DNAJC1: variants seen among roughly 807,000 people sequenced by gnomAD.
DNAJC1 encodes DnaJ heat shock protein family (Hsp40) member C1.
A neutral mutation model predicts 76.6 loss-of-function variants in DNAJC1; 58 were observed. The observed-to-expected ratio is 0.76, with a 90% confidence interval of 0.61 to 0.94. The LOEUF (loss-of-function observed/expected upper bound fraction) is 0.94. DNAJC1 is among the 40% of genes least tolerant of loss of function. DNAJC1 has a pLI of 0.00. For missense variants in DNAJC1, 689 were observed against 677.3 expected (o/e 1.02, Z -0.19); for synonymous variants, 258 against 267.9 (o/e 0.96, Z 0.36).
chr10:21,838,108 C>T (rs1267928689), intron 8 of DNAJC1, among the ~76,000 whole-genome samples: 1 of 152,034 alleles, frequency 6.6e-6, no homozygotes, highest in East Asian at 1.9e-4. Context: ...CCGGCCGCCA[C>T]CCCGTCTGGG....
intron 1 of DNAJC1, among the ~76,000 whole-genome samples, chr10:21,956,982 C>G (rs761787175): frequency 6.6e-6 from 1 of 151,354 alleles, no homozygotes; most frequent in East Asian, 1.9e-4. Context: ...ACCTCCGCCT[C>G]CCGGGTTCAA....
intron 8 of DNAJC1, among the ~76,000 whole-genome samples, chr10:21,815,100 C>A (rs1011942365): frequency 1.3e-5 from 2 of 152,118 alleles, no homozygotes; most frequent in Admixed American, 1.3e-4. Flanking sequence ...AAACAGATGG[C>A]GCCAGACATG....
intron 9 of DNAJC1, among the ~76,000 whole-genome samples, chr10:21,769,965 C>T (rs751808607): frequency 2.6e-5 from 4 of 152,166 alleles, no homozygotes; most frequent in Middle Eastern, 3.2e-3. Context: ...GGATTACAGG[C>T]GTGAGCCACT....
chr10:21,919,004 A>C, intron 5 of DNAJC1, 132 bp from the exon 6 acceptor site: 1 of 632,370 alleles, frequency 1.6e-6, no homozygotes, highest in Non-Finnish European at 2.8e-6. Flanking sequence ...AAATGAAGAA[A>C]GTATGCACTG....
chr10:21,933,728 T>C (rs1394410032), intron 1 of DNAJC1, among the ~76,000 whole-genome samples: 1 of 152,190 alleles, frequency 6.6e-6, no homozygotes, highest in African/African-American at 2.4e-5. Flanking sequence ...GAATCGCATA[T>C]ATGATGGTGG....
chr10:21,849,292 CAAAAAAAA>C (rs33953332), intron 8 of DNAJC1, among the ~76,000 whole-genome samples: 14 of 35,872 alleles, frequency 3.9e-4, no homozygotes, highest in African/African-American at 1.4e-3. Flanking sequence ...GACTCCGCCT[CAAAAAAAA>C]AAAAAAAAAA....
chr10:21,800,070 G>A (rs1049339476), intron 9 of DNAJC1, among the ~76,000 whole-genome samples: 1 of 152,060 alleles, frequency 6.6e-6, no homozygotes, highest in Non-Finnish European at 1.5e-5. Flanking sequence ...CTCTTACAAA[G>A]TTGTTTCAGG....
intron 9 of DNAJC1, among the ~76,000 whole-genome samples, chr10:21,787,916 C>T (rs1834633247): frequency 6.6e-6 from 1 of 152,234 alleles, no homozygotes; most frequent in South Asian, 2.1e-4. Flanking sequence ...CACCATGCCA[C>T]ACCATCTTGT....
At chr10:21,818,886 A>G (rs1249903377) in intron 8 of DNAJC1, among the ~76,000 whole-genome samples, 1 of 152,228 alleles carries the variant, frequency 6.6e-6, no homozygotes, top group South Asian at 2.1e-4. Flanking sequence ...GAAAGGTAGA[A>G]AAAAGTCTTA....
chr10:21,797,919 T>C (rs1834766786), intron 9 of DNAJC1, among the ~76,000 whole-genome samples: 1 of 152,186 alleles, frequency 6.6e-6, no homozygotes. Context: ...ACTCAGATAA[T>C]GAGGTAGGCC....
Position 21,756,678 on chromosome 10 carries a change from C to T in DNAJC1, c.*9G>A, listed in dbSNP as rs774474122. Reference sequence around the variant, plus strand: ...GGAAAATGAAGGTGAACATCATCTCCCAGAATATTCAGCTTTTAGCTTGTT... The same window carrying T: ...GGAAAATGAAGGTGAACATCATCTCTCAGAATATTCAGCTTTTAGCTTGTT... On this transcript the variant is annotated 3_prime_UTR_variant, in exon 12 of 12. Transcript: ENST00000376980. 6.2e-7 allele frequency: 1 copy of T among 1,605,826 alleles called. No homozygotes were observed.
At chr10:21,907,735 G>C (rs552694021) in intron 6 of DNAJC1, among the ~76,000 whole-genome samples, 1 of 151,244 alleles carries the variant, frequency 6.6e-6, no homozygotes, top group African/African-American at 2.4e-5. Context: ...CTAGCACTTC[G>C]GGAAGCCCAG....
intron 8 of DNAJC1, among the ~76,000 whole-genome samples, chr10:21,821,227 G>C (rs1835154139): frequency 6.6e-6 from 1 of 152,176 alleles, no homozygotes; most frequent in South Asian, 2.1e-4. Context: ...AGGTCAGAGA[G>C]AGAGAGATTC....
chr10:21,858,702 G>T (rs182585399), intron 8 of DNAJC1, among the ~76,000 whole-genome samples: 2 of 152,158 alleles, frequency 1.3e-5, no homozygotes, highest in Non-Finnish European at 2.9e-5. Context: ...CCTAGGGAGA[G>T]AGATAACGAG....
intron 1 of DNAJC1, among the ~76,000 whole-genome samples, chr10:21,975,544 C>T (rs1415171114): frequency 6.6e-6 from 1 of 152,144 alleles, no homozygotes; most frequent in Non-Finnish European, 1.5e-5. Flanking sequence ...TACTTAGCAA[C>T]TCTGTTTACA....
intron 8 of DNAJC1, among the ~76,000 whole-genome samples, chr10:21,849,572 T>G (rs1425234816): frequency 2.6e-5 from 4 of 151,990 alleles, no homozygotes; most frequent in East Asian, 1.9e-4. Flanking sequence ...TTTCAAAATC[T>G]TAAAAAATCT....
At position 22,003,346 on chromosome 10, in the gene DNAJC1, G is replaced by T. The variant is rs1194488537; in HGVS notation, c.89C>A (p.Pro30Gln). 1 of 1,438,728 alleles carries T rather than the reference G, an allele frequency of 7.0e-7. No individual in the cohort carries two copies. Among genetic ancestry groups the T allele is most frequent in the East Asian group, 3.0e-5 (1 of 33,698 alleles). The allele number at this position is 1,438,728 out of a possible 1,614,324, so 89.1% of individuals were successfully genotyped here. A position where few individuals can be genotyped will look rare whatever the true frequency, so the allele number is the denominator to read the frequency against. ...CAGCAGCAGCAGCAGCCACAGCAGC[G>T]GCGTCCGCGGCGGCGGCGGCGGGAA... Reference protein sequence around the residue: ...VPFPPPPPRTPLLWLLLLLLA... With the variant: ...VPFPPPPPRTQLLWLLLLLLA... The change falls in exon 1 of 12, where the codon CCG becomes CAG. Residue 30 changes from proline (P) to glutamine (Q), a missense_variant. Pro to Gln is a moderately conservative substitution (Grantham distance 76). Coordinates refer to ENST00000376980, the MANE Select transcript of DNAJC1 (RefSeq NM_022365.4).
At position 21,825,321 on chromosome 10, in the gene DNAJC1, T is replaced by C. The variant is rs555159348; in HGVS notation, c.979-19222A>G. Among the ~76,000 whole-genome samples the C allele has an allele frequency of 2.1e-3, 326 of 152,354 alleles. 1 individual carries two copies. The highest frequency in any genetic ancestry group is 6.8e-3 in the Middle Eastern group (2 of 294). On this transcript the variant is annotated intron_variant, in intron 8 of 11. Transcript: ENST00000376980. ...ACATGGAATTATATCATGTGGCCCT[T>C]TGCTTCTGACTTCTTTCAGTGTTCA... is the stretch of plus-strand genomic sequence containing the variant.
At chr10:21,775,595 T>A (rs1232720650) in intron 9 of DNAJC1, among the ~76,000 whole-genome samples, 1 of 152,138 alleles carries the variant, frequency 6.6e-6, no homozygotes, top group East Asian at 1.9e-4. Flanking sequence ...ACCACGGTCA[T>A]CACCAGATTG....
Sources: gnomAD v4.1 joint callset for allele counts (sites outside exome capture counted in the v4.1 genomes callset) on GRCh38, gnomAD v4.1.1 for gene constraint, MANE v1.5 for transcripts, NCBI Gene and HGNC (gene_info 2026-07-23, HGNC 2026-07-21) for gene names.